The following GNPAT variants were observed in gnomAD, a reference collection of about 807,000 sequenced individuals.
GNPAT encodes glyceronephosphate O-acyltransferase.
In GNPAT, 30 loss-of-function variants were observed where a neutral mutation model predicts 78.4. The ratio of observed to expected loss-of-function variants is 0.38; its 90% CI spans 0.29 to 0.52. The LOEUF is 0.52. Among genes scored for constraint, GNPAT ranks in the 20% least tolerant of loss-of-function variants. The probability of loss-of-function intolerance (pLI) is 0.84; values close to 1 mark genes in which losing one functional copy is unlikely to be tolerated. For synonymous variants in GNPAT, 271 were observed against 281.1 expected (o/e 0.96, Z 0.36); for missense variants, 714 against 812.2 (o/e 0.88, Z 1.47).
At chr1:231,269,340 T>C (rs976100759) in intron 9 of GNPAT, among the ~76,000 whole-genome samples, 5 of 152,248 alleles carry the variant, frequency 3.3e-5, no homozygotes, top group South Asian at 4.2e-4. Context: ...ATCAGTGATA[T>C]TAAAGTGTTG....
chr1:231,244,083 A>G (rs1684688147), intron 1 of GNPAT, among the ~76,000 whole-genome samples: 1 of 151,920 alleles, frequency 6.6e-6, no homozygotes, highest in Non-Finnish European at 1.5e-5. Context: ...TAATTTTTGT[A>G]TTTTTAGTAG....
chr1:231,248,162 G>A (rs1684799000), intron 1 of GNPAT, among the ~76,000 whole-genome samples: 1 of 152,116 alleles, frequency 6.6e-6, no homozygotes, highest in Non-Finnish European at 1.5e-5. Context: ...TTCATTAGTA[G>A]TAACCTACTG....
At chr1:231,242,609 C>T (rs1440338248) in intron 1 of GNPAT, among the ~76,000 whole-genome samples, 1 of 152,210 alleles carries the variant, frequency 6.6e-6, no homozygotes, top group Non-Finnish European at 1.5e-5. Context: ...TGTTTTCTGA[C>T]TCTGCTACTC....
At chr1:231,271,724 G>A (rs1685570731) in intron 10 of GNPAT, among the ~76,000 whole-genome samples, 1 of 152,212 alleles carries the variant, frequency 6.6e-6, no homozygotes, top group African/African-American at 2.4e-5. Flanking sequence ...CCATGGGGTA[G>A]GGAAAAATGA....
intron 10 of GNPAT, 80 bp downstream of exon 10, chr1:231,271,080 T>C: frequency 6.7e-7 from 1 of 1,486,102 alleles, no homozygotes; most frequent in Non-Finnish European, 9.4e-7. Flanking sequence ...ATTTGAAGCC[T>C]TGTAATGTTC....
chr1:231,274,370 G>A (rs776984769), intron 12 of GNPAT, among the ~76,000 whole-genome samples: 12 of 152,156 alleles, frequency 7.9e-5, no homozygotes, highest in Non-Finnish European at 1.8e-4. Flanking sequence ...ATGTCTTAAT[G>A]AGGCCTTCAT....
chr1:231,271,039 T>G, intron 10 of GNPAT, 39 bp downstream of exon 10: 1 of 1,610,486 alleles, frequency 6.2e-7, no homozygotes, highest in Non-Finnish European at 8.5e-7. Context: ...TTAGAAGAGG[T>G]CTGGCCATTC....
At chr1:231,248,030 C>G (rs114651610) in intron 1 of GNPAT, among the ~76,000 whole-genome samples, 7 of 152,200 alleles carry the variant, frequency 4.6e-5, no homozygotes, top group African/African-American at 1.7e-4. Flanking sequence ...CTGAAGACTC[C>G]CTCGCTCCCA....
intron 3 of GNPAT, among the ~76,000 whole-genome samples, chr1:231,262,255 T>C (rs1558332229): frequency 6.6e-6 from 1 of 152,240 alleles, no homozygotes; most frequent in Admixed American, 6.5e-5. Context: ...TTTCTCTTAC[T>C]ACAACCAACC....
chr1:231,264,647 T>G (rs978781820), intron 4 of GNPAT, among the ~76,000 whole-genome samples: 9 of 152,248 alleles, frequency 5.9e-5, no homozygotes, highest in South Asian at 2.1e-4. Context: ...AAGACTATTT[T>G]AAAACTGCTG....
At chr1:231,263,776 A>C (rs1490411512) in intron 4 of GNPAT, among the ~76,000 whole-genome samples, 4 of 152,126 alleles carry the variant, frequency 2.6e-5, no homozygotes, top group Admixed American at 2.6e-4. Context: ...GATATGTTTT[A>C]TAATAATTTT....
intron 4 of GNPAT, among the ~76,000 whole-genome samples, chr1:231,263,996 T>C (rs1183276080): frequency 1.3e-5 from 2 of 152,218 alleles, no homozygotes; most frequent in Admixed American, 6.5e-5. Context: ...TCACCCCTTA[T>C]CAGACAGATG....
chr1:231,272,098 TCAAAAAA>T (rs751930430), intron 10 of GNPAT, among the ~76,000 whole-genome samples: 3 of 152,136 alleles, frequency 2.0e-5, no homozygotes, highest in Non-Finnish European at 2.9e-5. Flanking sequence ...AGACTCCATC[TCAAAAAA>T]CAAAAAACAA....
At chr1:231,254,807 C>T (rs928124552) in intron 2 of GNPAT, among the ~76,000 whole-genome samples, 15 of 149,888 alleles carry the variant, frequency 1.0e-4, no homozygotes, top group Middle Eastern at 3.5e-3. Context: ...GACTGGAGTG[C>T]GGTGCACAAT....
chr1:231,275,096 T>C, intron 12 of GNPAT, 125 bp from the exon 13 acceptor site: 1 of 711,102 alleles, frequency 1.4e-6, no homozygotes, highest in Non-Finnish European at 2.5e-6. Context: ...TTGGAGGGTC[T>C]TTATGCTGCT....
In GNPAT at chr1:231,272,315, A is replaced by G; in HGVS notation, c.1526A>G (p.Asp509Gly). The G allele has an allele frequency of 6.5e-7, 1 of 1,542,806 alleles. No homozygotes were observed. Among genetic ancestry groups the G allele is most frequent in the South Asian group, 1.1e-5 (1 of 89,498 alleles). The change falls in exon 11 of 16, where the codon GAT becomes GGT. Residue 509 changes from aspartate (D) to glycine (G), a missense_variant. Asp to Gly is a moderately conservative substitution (Grantham distance 94). Coordinates refer to ENST00000366647, the MANE Select transcript of GNPAT (RefSeq NM_014236.4). ...TACATGATGCATTTATTTCCAGAGG[A>G]TGTCTACAGTTGCTTTCGCTTCCTA... ...LQMTPGFRKE[D>G]VYSCFRFLRD...
chr1:231,264,804 G>A (rs1048210740), intron 4 of GNPAT, among the ~76,000 whole-genome samples: 2 of 152,192 alleles, frequency 1.3e-5, no homozygotes, highest in Non-Finnish European at 2.9e-5. Flanking sequence ...TCTGTTGTCA[G>A]GCTCAGCAGC....
intron 3 of GNPAT, among the ~76,000 whole-genome samples, chr1:231,261,447 G>A (rs142909847): frequency 1.9e-4 from 29 of 151,878 alleles, no homozygotes; most frequent in Admixed American, 1.8e-3. Context: ...GGAACACCCC[G>A]GAAGCGATGC....
At chr1:231,265,959 A>C in intron 6 of GNPAT, 55 bp from the exon 7 acceptor site, 1 of 1,459,854 alleles carries the variant, frequency 6.9e-7, no homozygotes, top group Admixed American at 1.7e-5. Flanking sequence ...TTATGTGCTC[A>C]TGTTTGCTCT....
Sources: allele counts gnomAD v4.1 joint callset (sites outside exome capture counted in the v4.1 genomes callset), GRCh38; gene constraint gnomAD v4.1.1; transcripts MANE v1.5; gene names NCBI Gene and HGNC (gene_info 2026-07-23, HGNC 2026-07-21).